The following MYO16 variants were observed in gnomAD, a reference collection of about 807,000 sequenced individuals.
MYO16 encodes the protein myosin XVI.
A neutral mutation model predicts 205.3 loss-of-function variants in MYO16; 94 were observed. That is an observed-to-expected ratio of 0.46 (90% CI 0.39 to 0.54). MYO16 has a LOEUF of 0.54. Ranked by LOEUF, MYO16 falls within the 20% of genes least tolerant of loss-of-function variation. The pLI is 0.00. For synonymous variants in MYO16, 988 were observed against 954.0 expected (o/e 1.04, Z -0.66); for missense variants, 2,315 against 2,387.5 (o/e 0.97, Z 0.63).
chr13:108,927,421 A>G (rs1284212480), intron 16 of MYO16, among the ~76,000 whole-genome samples: 4 of 152,076 alleles, frequency 2.6e-5, no homozygotes, highest in Non-Finnish European at 5.9e-5. Context: ...GGCATGAGCC[A>G]GGCACTGGGA....
At chr13:108,780,729 G>A (rs189664983) in intron 4 of MYO16, among the ~76,000 whole-genome samples, 1 of 152,280 alleles carries the variant, frequency 6.6e-6, no homozygotes, top group African/African-American at 2.4e-5. Flanking sequence ...CACTTCACAT[G>A]CACCAGGCAC....
chr13:108,601,254 T>A (rs1245392599), intron 1 of MYO16, among the ~76,000 whole-genome samples: 4 of 152,124 alleles, frequency 2.6e-5, no homozygotes, highest in Admixed American at 2.0e-4. Context: ...TGTGAGAAAG[T>A]GGAAAATTAG....
At chr13:109,080,886 T>C (rs1297340756) in intron 27 of MYO16, among the ~76,000 whole-genome samples, 1 of 152,202 alleles carries the variant, frequency 6.6e-6, no homozygotes, top group African/African-American at 2.4e-5. Flanking sequence ...GGAATGAGGC[T>C]TAAAAAATTA....
chr13:109,128,243 T>C (rs1181686262), intron 31 of MYO16, among the ~76,000 whole-genome samples: 2 of 152,236 alleles, frequency 1.3e-5, no homozygotes, highest in East Asian at 3.8e-4. Context: ...TGTCTGTCTC[T>C]TTCTTCATGG....
At chr13:109,152,803 A>T (rs1877749780) in intron 32 of MYO16, among the ~76,000 whole-genome samples, 1 of 152,224 alleles carries the variant, frequency 6.6e-6, no homozygotes. Context: ...AGGCAAAATG[A>T]TAAAACTAGC....
At chr13:109,020,577 A>G (rs117329562) in intron 23 of MYO16, among the ~76,000 whole-genome samples, 148 of 152,302 alleles carry the variant, frequency 9.7e-4, no homozygotes, top group African/African-American at 1.3e-3. Context: ...CTTAAACTCC[A>G]TTACATTAAG....
At chr13:108,761,633 G>T (rs1283436844) in intron 4 of MYO16, among the ~76,000 whole-genome samples, 1 of 152,272 alleles carries the variant, frequency 6.6e-6, no homozygotes, top group Admixed American at 6.5e-5. Context: ...ATCCGCTTGA[G>T]TCTCATCTCA....
At chr13:108,558,751 G>T in the MYO16 span, among the ~76,000 whole-genome samples, 2 of 152,220 alleles carry the variant, frequency 1.3e-5, no homozygotes, top group African/African-American at 4.8e-5. Flanking sequence ...CCAGGGTTAT[G>T]ACCTTGGGAT....
chr13:109,010,837 G>A (rs1885566342), intron 22 of MYO16, among the ~76,000 whole-genome samples: 1 of 151,696 alleles, frequency 6.6e-6, no homozygotes, highest in Admixed American at 6.6e-5. Flanking sequence ...CTTGCTATTA[G>A]TTGAAATAAA....
At chr13:108,816,680 C>G (rs963421912) in intron 7 of MYO16, among the ~76,000 whole-genome samples, 2 of 152,144 alleles carry the variant, frequency 1.3e-5, no homozygotes, top group Non-Finnish European at 2.9e-5. Flanking sequence ...CATGTAATTC[C>G]CGCCTCAAGG....
At chr13:108,972,854 C>T (rs1270265614) in intron 20 of MYO16, among the ~76,000 whole-genome samples, 1 of 151,486 alleles carries the variant, frequency 6.6e-6, no homozygotes, top group East Asian at 2.0e-4. Flanking sequence ...TGTGGGTTTT[C>T]TTTTTTTGTT....
chr13:108,564,360 G>A, the MYO16 span, among the ~76,000 whole-genome samples: 4 of 152,038 alleles, frequency 2.6e-5, no homozygotes, highest in South Asian at 8.3e-4. Flanking sequence ...TAGTAGAGAC[G>A]CGGTTTCGCC....
At chr13:108,633,406 G>C (rs7139488) in intron 1 of MYO16, among the ~76,000 whole-genome samples, 16,505 of 152,166 alleles carry the variant, frequency 0.11, 1,521 homozygotes, top group African/African-American at 0.24. Flanking sequence ...GTCCAAAAGC[G>C]GAAGAACTTG....
chr13:108,554,848 T>TAAAAA, the MYO16 span, among the ~76,000 whole-genome samples: 181 of 77,780 alleles, frequency 2.3e-3, no homozygotes, highest in Middle Eastern at 8.6e-3. Flanking sequence ...AGACTCTGAC[T>TAAAAA]AAAAAAAAAA....
intron 4 of MYO16, among the ~76,000 whole-genome samples, chr13:108,767,636 T>G (rs1307935458): frequency 6.6e-6 from 1 of 152,134 alleles, no homozygotes; most frequent in Non-Finnish European, 1.5e-5. Flanking sequence ...CCATTGCCAG[T>G]TTTGTTAAAT....
chr13:108,598,621 A>T (rs960536121), intron 1 of MYO16, among the ~76,000 whole-genome samples: 3 of 152,140 alleles, frequency 2.0e-5, no homozygotes, highest in Non-Finnish European at 4.4e-5. Flanking sequence ...TCATAGAAAA[A>T]ATTGTTTCAA....
chr13:108,773,635 T>G (rs1886036866), intron 4 of MYO16, among the ~76,000 whole-genome samples: 1 of 152,184 alleles, frequency 6.6e-6, no homozygotes, highest in Non-Finnish European at 1.5e-5. Flanking sequence ...TGACTCATCT[T>G]AACTAATTAC....
At chr13:108,869,471 T>C (rs1164861505) in intron 12 of MYO16, among the ~76,000 whole-genome samples, 1 of 151,694 alleles carries the variant, frequency 6.6e-6, no homozygotes, top group South Asian at 2.1e-4. Flanking sequence ...ACTCCTGTAA[T>C]CCCAGCACTT....
intron 7 of MYO16, among the ~76,000 whole-genome samples, chr13:108,819,961 T>C (rs1875874761): frequency 6.6e-6 from 1 of 152,232 alleles, no homozygotes; most frequent in South Asian, 2.1e-4. Flanking sequence ...CCTTTCACGT[T>C]TTAAAGTTTC....
Sources: allele counts gnomAD v4.1 joint callset (sites outside exome capture counted in the v4.1 genomes callset), GRCh38; gene constraint gnomAD v4.1.1; transcripts MANE v1.5; gene names NCBI Gene and HGNC (gene_info 2026-07-23, HGNC 2026-07-21).